Variants in HECTD4 observed in about 807,000 individuals in gnomAD.
HECTD4 encodes the protein probable E3 ubiquitin-protein ligase HECTD4.
HECTD4 carries 114 observed loss-of-function variants against 471.5 expected under a neutral mutation model. The observed-to-expected ratio is 0.24, with a 90% confidence interval of 0.21 to 0.28. The LOEUF (loss-of-function observed/expected upper bound fraction) is 0.28. HECTD4 is among the 10% of genes least tolerant of loss of function. The pLI is 1.00. For synonymous variants in HECTD4, 2,012 were observed against 2,256.0 expected (o/e 0.89, Z 3.07); for missense variants, 3,866 against 5,651.5 (o/e 0.68, Z 10.13).
At chr12:112,226,793 A>G (rs781206587) in intron 43 of HECTD4, 35 bp from the exon 44 acceptor site, 2 of 1,467,076 alleles carry the variant, frequency 1.4e-6, no homozygotes, top group Non-Finnish European at 1.9e-6. Context: ...TTTCAAAGTC[A>G]TCAGTGTTCA....
chr12:112,216,933 C>T lies in HECTD4; in HGVS notation c.7237-12G>A. On this transcript the variant is annotated splice_polypyrimidine_tract_variant and intron_variant, in intron 46 of 75. Transcript: ENST00000682272. ...TAAAAAGACGGGGCCTGAAGAGATGCCAGAAGAGAGCAGCAATCAGAGGGC... is the reference window on the plus strand; with the variant it reads ...TAAAAAGACGGGGCCTGAAGAGATGTCAGAAGAGAGCAGCAATCAGAGGGC... 1.9e-6 allele frequency: 3 copies of T among 1,612,040 alleles called. No individual in the cohort carries two copies. Among genetic ancestry groups the T allele is most frequent in the East Asian group, 2.2e-5 (1 of 44,822 alleles).
chr12:112,338,017 A>G (rs757591854), intron 1 of HECTD4, among the ~76,000 whole-genome samples: 1 of 152,222 alleles, frequency 6.6e-6, no homozygotes, highest in Non-Finnish European at 1.5e-5. Context: ...GCTTAAAACA[A>G]CAGATATTTA....
At chr12:112,244,154 G>A (rs2135581030) in intron 29 of HECTD4, 145 bp from the exon 30 acceptor site, 1 of 599,014 alleles carries the variant, frequency 1.7e-6, no homozygotes, top group Middle Eastern at 4.2e-4. Context: ...CATACTGATG[G>A]TTTTTACATC....
intron 62 of HECTD4, among the ~76,000 whole-genome samples, chr12:112,180,545 C>A (rs943185748): frequency 3.4e-5 from 5 of 147,936 alleles, no homozygotes; most frequent in Admixed American, 1.3e-4. Flanking sequence ...AAAAAAAAAA[C>A]AACAACAACA....
In HECTD4 at chr12:112,335,143, T is replaced by TACAC. The variant is rs144839031; in HGVS notation, c.178-15405_178-15402dup. 7.0e-3 allele frequency among the ~76,000 whole-genome samples: 1,027 copies of TACAC among 146,886 alleles called. 12 individuals carry two copies. The highest frequency in any genetic ancestry group is 0.023 in the African/African-American group (917 of 39,500). Reference sequence around the variant, plus strand: ...CAACAAGTGGATAAAGAAACTGTGATACACACACACACACACACACACAGA... The same window carrying TACAC: ...CAACAAGTGGATAAAGAAACTGTGATACACACACACACACACACACACACACAGA... On this transcript the variant is annotated intron_variant, in intron 1 of 75. Coordinates refer to ENST00000682272, the MANE Select transcript of HECTD4 (RefSeq NM_001388303.1).
At chr12:112,380,423 C>T (rs575226519) in intron 1 of HECTD4, among the ~76,000 whole-genome samples, 7 of 150,470 alleles carry the variant, frequency 4.7e-5, no homozygotes, top group Non-Finnish European at 7.4e-5. Context: ...CCAGCCTGGG[C>T]GACAGAGCAA....
chr12:112,247,400 C>G (rs139038606), intron 28 of HECTD4, 62 bp downstream of exon 28: 5 of 783,926 alleles, frequency 6.4e-6, no homozygotes, highest in Non-Finnish European at 1.0e-5. Flanking sequence ...GAGACTAGAC[C>G]TTTACAGTGT....
At chr12:112,365,474 A>T (rs2036538698) in intron 1 of HECTD4, among the ~76,000 whole-genome samples, 1 of 152,212 alleles carries the variant, frequency 6.6e-6, no homozygotes, top group African/African-American at 2.4e-5. Context: ...AGCCTTCACA[A>T]ATCTGATGTG....
chr12:112,266,454 T>C (rs1267778577), intron 14 of HECTD4, among the ~76,000 whole-genome samples: 1 of 152,262 alleles, frequency 6.6e-6, no homozygotes. Context: ...TTCAATCTGG[T>C]TGAAGTGTAA....
At chr12:112,317,030 A>C (rs2035493374) in intron 2 of HECTD4, among the ~76,000 whole-genome samples, 1 of 152,232 alleles carries the variant, frequency 6.6e-6, no homozygotes, top group Non-Finnish European at 1.5e-5. Flanking sequence ...TTAATAACTT[A>C]AACTGTTTGA....
intron 1 of HECTD4, among the ~76,000 whole-genome samples, chr12:112,343,204 T>A (rs1258012598): frequency 6.6e-6 from 1 of 152,228 alleles, no homozygotes; most frequent in Non-Finnish European, 1.5e-5. Context: ...TAAACATATT[T>A]TTGTTACATA....
intron 7 of HECTD4, among the ~76,000 whole-genome samples, chr12:112,301,398 G>T (rs935456087): frequency 5.3e-5 from 8 of 152,172 alleles, no homozygotes; most frequent in Non-Finnish European, 1.0e-4. Context: ...TGGCCAGGCT[G>T]GTCTCGAACT....
intron 62 of HECTD4, among the ~76,000 whole-genome samples, chr12:112,182,473 C>A (rs751197763): frequency 6.6e-6 from 1 of 151,596 alleles, no homozygotes. Context: ...AATGGGACTT[C>A]GGAGAAAAAA....
At chr12:112,231,080 C>T (rs1293088509) in intron 39 of HECTD4, 3 of 488,376 alleles carry the variant, frequency 6.1e-6, no homozygotes, top group Non-Finnish European at 1.1e-5. Context: ...GGGAAAGACA[C>T]TGCATTGCAA....
intron 2 of HECTD4, among the ~76,000 whole-genome samples, chr12:112,316,252 G>A (rs2035476477): frequency 6.6e-6 from 1 of 152,074 alleles, no homozygotes; most frequent in Admixed American, 6.5e-5. Flanking sequence ...CTCTGCCACT[G>A]GCTGCTTCTC....
At chr12:112,172,560 A>T in intron 67 of HECTD4, 111 bp downstream of exon 67, 1 of 1,046,910 alleles carries the variant, frequency 9.6e-7, no homozygotes, top group Non-Finnish European at 1.4e-6. Context: ...AGGTGTTCAT[A>T]AGTGTTCGTT....
At chr12:112,290,521 G>A (rs1007046964) in intron 7 of HECTD4, among the ~76,000 whole-genome samples, 8 of 151,760 alleles carry the variant, frequency 5.3e-5, no homozygotes, top group Non-Finnish European at 1.2e-4. Context: ...GCAACACCCT[G>A]TCTCAAAAAA....
chr12:112,331,156 C>T (rs572323699), intron 1 of HECTD4, among the ~76,000 whole-genome samples: 1 of 152,206 alleles, frequency 6.6e-6, no homozygotes, highest in Admixed American at 6.5e-5. Flanking sequence ...ATGCAACTGC[C>T]GCCTCCCGGA....
chr12:112,226,592 T>G (rs1227416599), intron 44 of HECTD4, 51 bp downstream of exon 44: 1 of 1,206,938 alleles, frequency 8.3e-7, no homozygotes, highest in Non-Finnish European at 1.2e-6. Flanking sequence ...ATTGCAAATG[T>G]GCTGAGAAAA....
Sources: allele counts gnomAD v4.1 joint callset (sites outside exome capture counted in the v4.1 genomes callset), GRCh38; gene constraint gnomAD v4.1.1; transcripts MANE v1.5; gene names NCBI Gene and HGNC (gene_info 2026-07-23, HGNC 2026-07-21).